The following ARHGAP26 variants were observed in gnomAD, a reference collection of about 807,000 sequenced individuals.
ARHGAP26 encodes rho GTPase-activating protein 26.
A neutral mutation model predicts 104.8 loss-of-function variants in ARHGAP26; 38 were observed. That is an observed-to-expected ratio of 0.36 (90% CI 0.28 to 0.48). The LOEUF (loss-of-function observed/expected upper bound fraction) is 0.48, where lower values mean the gene tolerates loss of function less well. Ranked by LOEUF, ARHGAP26 falls within the 20% of genes least tolerant of loss-of-function variation. ARHGAP26 has a pLI of 0.99. For synonymous variants in ARHGAP26, 341 were observed against 340.0 expected, an observed-to-expected ratio of 1.00 and a Z score of -0.03; for missense variants, 704 against 947.9, an observed-to-expected ratio of 0.74 and a Z score of 3.38.
chr5:142,775,295 T>C (rs1331227464), intron 1 of ARHGAP26, among the ~76,000 whole-genome samples: 1 of 152,204 alleles, frequency 6.6e-6, no homozygotes, highest in Non-Finnish European at 1.5e-5. Flanking sequence ...ATTTTGACCA[T>C]CCTACTAGGT....
chr5:143,033,087 CAG>C (rs1316326143), intron 12 of ARHGAP26, among the ~76,000 whole-genome samples: 1 of 152,184 alleles, frequency 6.6e-6, no homozygotes, highest in Non-Finnish European at 1.5e-5. Flanking sequence ...TAGAGGCTAA[CAG>C]AGTTATCTTG....
At chr5:143,119,094 A>T (rs571487926) in intron 17 of ARHGAP26, among the ~76,000 whole-genome samples, 8 of 152,240 alleles carry the variant, frequency 5.3e-5, no homozygotes, top group African/African-American at 1.9e-4. Context: ...GTGAGAGCTG[A>T]GTTTTAGGTG....
intron 11 of ARHGAP26, among the ~76,000 whole-genome samples, chr5:142,953,486 G>A (rs539773536): frequency 3.9e-5 from 6 of 152,132 alleles, no homozygotes; most frequent in South Asian, 2.1e-4. Context: ...GTGGTCCATC[G>A]TAGCTGGAGT....
At chr5:143,016,702 CAAAA>C (rs5871833) in intron 12 of ARHGAP26, among the ~76,000 whole-genome samples, 1 of 126,382 alleles carries the variant, frequency 7.9e-6, no homozygotes, top group Non-Finnish European at 1.6e-5. Context: ...GACTCTGTCT[CAAAA>C]AAAAAAAAAA....
At chr5:142,797,433 A>T (rs1187472108) in intron 1 of ARHGAP26, among the ~76,000 whole-genome samples, 1 of 152,240 alleles carries the variant, frequency 6.6e-6, no homozygotes, top group East Asian at 1.9e-4. Context: ...GCTGTCCCTC[A>T]AAGGTGACTG....
intron 19 of ARHGAP26, among the ~76,000 whole-genome samples, chr5:143,141,431 A>G (rs1425254884): frequency 3.3e-5 from 5 of 152,260 alleles, no homozygotes; most frequent in Non-Finnish European, 7.3e-5. Context: ...CAAAATGAAT[A>G]CAACTGGAGC....
At chr5:142,815,764 C>A (rs12659987) in intron 1 of ARHGAP26, among the ~76,000 whole-genome samples, 9 of 152,090 alleles carry the variant, frequency 5.9e-5, no homozygotes, top group African/African-American at 2.4e-5. Flanking sequence ...CCCCGGCTAG[C>A]CTTCCTGGTC....
chr5:142,907,954 A>T, intron 9 of ARHGAP26, 150 bp downstream of exon 9: 1 of 384,436 alleles, frequency 2.6e-6, no homozygotes, highest in Non-Finnish European at 4.5e-6. Flanking sequence ...ATAGTAGTTC[A>T]GGAAGCCTAA....
At chr5:142,937,879 A>T (rs1419561468) in intron 11 of ARHGAP26, among the ~76,000 whole-genome samples, 2 of 152,164 alleles carry the variant, frequency 1.3e-5, no homozygotes, top group Admixed American at 6.5e-5. Context: ...GTATACGGAC[A>T]TTGGAAGTAG....
At chr5:143,021,327 T>C (rs1041980311) in intron 12 of ARHGAP26, among the ~76,000 whole-genome samples, 2 of 152,268 alleles carry the variant, frequency 1.3e-5, no homozygotes, top group Admixed American at 6.5e-5. Context: ...GGTTGTTTAA[T>C]ATTCTGTCAT....
chr5:142,829,302 A>C (rs1211849157), intron 1 of ARHGAP26, among the ~76,000 whole-genome samples: 1 of 152,190 alleles, frequency 6.6e-6, no homozygotes, highest in Non-Finnish European at 1.5e-5. Flanking sequence ...CCCTTTCTCG[A>C]AACCGTCTGT....
intron 17 of ARHGAP26, among the ~76,000 whole-genome samples, chr5:143,065,231 C>T (rs180770455): frequency 3.9e-5 from 6 of 152,254 alleles, no homozygotes; most frequent in Admixed American, 2.6e-4. Flanking sequence ...GCCTTGGGAG[C>T]GTGTTCTTCA....
intron 1 of ARHGAP26, among the ~76,000 whole-genome samples, chr5:142,804,684 G>A (rs1246464827): frequency 6.6e-6 from 1 of 152,048 alleles, no homozygotes; most frequent in African/African-American, 2.4e-5. Context: ...TAGAGACGGG[G>A]TTTCACCATG....
intron 11 of ARHGAP26, among the ~76,000 whole-genome samples, chr5:143,001,968 G>T (rs1446276336): frequency 6.6e-6 from 1 of 152,262 alleles, no homozygotes; most frequent in East Asian, 1.9e-4. Flanking sequence ...GCTGTTTGTG[G>T]CAAGGGAAGA....
chr5:142,854,614 T>A (rs757291854), intron 1 of ARHGAP26, among the ~76,000 whole-genome samples: 2 of 152,234 alleles, frequency 1.3e-5, no homozygotes, highest in African/African-American at 4.8e-5. Flanking sequence ...GACTTGTTCT[T>A]GGAGATTAAA....
intron 1 of ARHGAP26, among the ~76,000 whole-genome samples, chr5:142,785,726 C>T (rs1371505312): frequency 1.3e-5 from 2 of 152,158 alleles, no homozygotes; most frequent in Non-Finnish European, 2.9e-5. Context: ...TTGGGGGTGT[C>T]AGTGGTCTTA....
chr5:142,983,091 C>A (rs1466303239), intron 11 of ARHGAP26, among the ~76,000 whole-genome samples: 3 of 152,196 alleles, frequency 2.0e-5, no homozygotes, highest in Admixed American at 6.5e-5. Context: ...GAGGACAGGT[C>A]CCCTGACTGC....
intron 11 of ARHGAP26, among the ~76,000 whole-genome samples, chr5:142,963,192 A>ATG (rs1226879690): frequency 1.4e-4 from 15 of 104,412 alleles, no homozygotes; most frequent in African/African-American, 8.4e-4. Context: ...ATATATATAT[A>ATG]TATATATGTG....
rs557359039 is a variant in ARHGAP26 at position 143,177,675 on chromosome 5, C to T, written c.1989-29523C>T. On this transcript the variant is annotated intron_variant, in intron 20 of 22. Transcript: ENST00000645722. ...TATAGTGCTTTTCAGTTTTCAGAGC[C>T]ACTTGAAACAGTTTGCAGAGTGTTT... Among the ~76,000 whole-genome samples, 7 of 152,256 alleles carry T rather than the reference C, an allele frequency of 4.6e-5. No homozygotes were observed. In the South Asian group the frequency reaches 1.4e-3, roughly 32 times the overall value.
Sources: gnomAD v4.1 joint callset for allele counts (sites outside exome capture counted in the v4.1 genomes callset) on GRCh38, gnomAD v4.1.1 for gene constraint, MANE v1.5 for transcripts, NCBI Gene and HGNC (gene_info 2026-07-23, HGNC 2026-07-21) for gene names.